Variants in UBE2U observed in about 807,000 individuals in gnomAD.
The protein encoded by UBE2U is ubiquitin conjugating enzyme E2 U, also known as ubiquitin-conjugating enzyme E2 U.
UBE2U carries 39 observed loss-of-function variants against 41.2 expected under a neutral mutation model. The ratio of observed to expected loss-of-function variants is 0.95; its 90% CI spans 0.73 to 1.24. The LOEUF is 1.24. Ranked by LOEUF, UBE2U falls within the 50% of genes most tolerant of loss-of-function variation. The probability of loss-of-function intolerance (pLI) is 0.00; values close to 1 mark genes in which losing one functional copy is unlikely to be tolerated. For synonymous variants in UBE2U, 107 were observed against 117.8 expected (o/e 0.91, Z 0.60); for missense variants, 336 against 363.1 (o/e 0.93, Z 0.61).
At chr1:64,253,379 G>T (rs1479315755) in intron 8 of UBE2U, among the ~76,000 whole-genome samples, 1 of 152,132 alleles carries the variant, frequency 6.6e-6, no homozygotes, top group Non-Finnish European at 1.5e-5. Flanking sequence ...AACCTGGCAA[G>T]ACAGGCAAAT....
intron 8 of UBE2U, among the ~76,000 whole-genome samples, chr1:64,253,345 G>A (rs2100516240): frequency 6.6e-6 from 1 of 152,216 alleles, no homozygotes; most frequent in East Asian, 1.9e-4. Flanking sequence ...CATACTTCAG[G>A]ATATCATCCA....
chr1:64,239,150 G>GAA lies in UBE2U; in HGVS notation c.596-2501_596-2500dup, dbSNP rs1415800054. 3.6e-3 allele frequency among the ~76,000 whole-genome samples: 101 copies of GAA among 28,388 alleles called. 3 individuals are homozygous for GAA. The highest frequency in any genetic ancestry group is 0.02 in the East Asian group (8 of 406). The allele number at this position is 28,388 out of a possible 152,430, so 18.6% of individuals were successfully genotyped here. On this transcript the variant is annotated intron_variant, in intron 7 of 9. Transcript: ENST00000371077. ...AGAAGAAGAAGAAGAAGAAGAAGAA[G>GAA]AAGAAGAAAGAAGAAGAAGAAGAAG... is the stretch of plus-strand genomic sequence containing the variant.
chr1:64,264,389 G>A (rs909330219), intron 9 of UBE2U, among the ~76,000 whole-genome samples: 10 of 152,150 alleles, frequency 6.6e-5, no homozygotes, highest in African/African-American at 2.2e-4. Context: ...AATCCAAGGT[G>A]TCTCAGAGAG....
Position 64,266,512 on chromosome 1 carries a change from C to T in UBE2U, c.770-512C>T, listed in dbSNP as rs547190248. Among the ~76,000 whole-genome samples, 11 of 152,266 alleles carry T rather than the reference C, an allele frequency of 7.2e-5. No homozygotes were observed. The South Asian group carries it at 2.1e-3, about 29-fold the overall frequency. ...CTGAGTTAAATAATATTATAGCTGT[C>T]GACGGGTTAGCACCGCACCTGGCAC... is the stretch of plus-strand genomic sequence containing the variant. On this transcript the variant is annotated intron_variant, in intron 9 of 9. Coordinates refer to ENST00000371077, the MANE Select transcript of UBE2U (RefSeq NM_001366232.2).
chr1:64,223,035 A>T (rs910330749), intron 6 of UBE2U, among the ~76,000 whole-genome samples: 1 of 152,176 alleles, frequency 6.6e-6, no homozygotes, highest in South Asian at 2.1e-4. Context: ...CCACTTACAG[A>T]CAGGTTTTCA....
chr1:64,227,610 T>C (rs7553080), intron 6 of UBE2U, among the ~76,000 whole-genome samples: 36,065 of 151,994 alleles, frequency 0.24, 4,607 homozygotes, highest in Middle Eastern at 0.37. Context: ...GAGACCAGCC[T>C]AACCAACATG....
At chr1:64,239,156 GA>G (rs36057587) in intron 7 of UBE2U, among the ~76,000 whole-genome samples, 2,414 of 27,014 alleles carry the variant, frequency 0.089, 109 homozygotes, top group East Asian at 0.18. Flanking sequence ...AGAAGAAGAA[GA>G]AAGAAGAAGA....
chr1:64,247,015 A>G (rs908741747), intron 8 of UBE2U, among the ~76,000 whole-genome samples: 1 of 152,054 alleles, frequency 6.6e-6, no homozygotes, highest in Non-Finnish European at 1.5e-5. Flanking sequence ...AAAAGAAACT[A>G]TTGCCACTTG....
At chr1:64,254,674 C>T (rs1645063789) in intron 8 of UBE2U, among the ~76,000 whole-genome samples, 2 of 151,830 alleles carry the variant, frequency 1.3e-5, no homozygotes, top group South Asian at 4.1e-4. Context: ...TTGAATGACT[C>T]CTGGGTAAAT....
chr1:64,260,673 A>G lies in UBE2U; in HGVS notation c.748A>G (p.Ile250Val). The G allele has an allele frequency of 3.2e-6, 5 of 1,549,726 alleles. No individual in the cohort carries two copies. The highest frequency in any genetic ancestry group is 4.4e-6 in the Non-Finnish European group (5 of 1,146,616). ...TGAAGTCACTCACTCAATGGAAGAA[A>G]TTAAGCTCTGCCCAACTCTAAGTAA... ...PHEVTHSMEEIKLCPTLNEIF... is the reference protein window; with the variant it reads ...PHEVTHSMEEVKLCPTLNEIF... The change falls in exon 9 of 10, where the codon ATT becomes GTT. Residue 250 changes from isoleucine to valine, a missense_variant. Transcript: ENST00000371077.
In UBE2U at chr1:64,239,165, AG is replaced by A. The variant is rs1304325704; in HGVS notation, c.596-2486del. Among the ~76,000 whole-genome samples, 6 of 76,736 alleles carry A rather than the reference AG, an allele frequency of 7.8e-5. No homozygotes were observed. In the East Asian group the frequency reaches 2.6e-3, roughly 33 times the overall value. The allele number at this position is 76,736 out of a possible 152,430, so 50.3% of individuals were successfully genotyped here. On this transcript the variant is annotated intron_variant, in intron 7 of 9. Coordinates refer to ENST00000371077, the MANE Select transcript of UBE2U (RefSeq NM_001366232.2). ...AGAAGAAGAAGAAGAAGAAAGAAGA[AG>A]AAGAAGAAGAAGAAGAAGAAGAAGA...
At chr1:64,245,394 A>T (rs886632254) in intron 8 of UBE2U, among the ~76,000 whole-genome samples, 1 of 152,198 alleles carries the variant, frequency 6.6e-6, no homozygotes, top group Non-Finnish European at 1.5e-5. Context: ...TTTGTGCCAT[A>T]CTCTAGCTAA....
chr1:64,232,881 A>T (rs1225921687), intron 7 of UBE2U, among the ~76,000 whole-genome samples: 1 of 152,170 alleles, frequency 6.6e-6, no homozygotes, highest in African/African-American at 2.4e-5. Flanking sequence ...TCCAGGCTGG[A>T]GTGCAGTGGC....
At chr1:64,217,029 C>A (rs1652072084) in intron 5 of UBE2U, among the ~76,000 whole-genome samples, 1 of 152,178 alleles carries the variant, frequency 6.6e-6, no homozygotes, top group African/African-American at 2.4e-5. Context: ...GCTGATCTTT[C>A]CTAAAAGCAA....
intron 8 of UBE2U, among the ~76,000 whole-genome samples, chr1:64,247,496 G>T (rs1644940691): frequency 6.6e-6 from 1 of 152,108 alleles, no homozygotes; most frequent in African/African-American, 2.4e-5. Flanking sequence ...GCCTTCCCTT[G>T]GGCAGGGAAG....
At chr1:64,208,827 C>T (rs138103543) in intron 3 of UBE2U, among the ~76,000 whole-genome samples, 11 of 152,072 alleles carry the variant, frequency 7.2e-5, no homozygotes, top group African/African-American at 2.7e-4. Flanking sequence ...ATCTTCACTG[C>T]GTGGCATATA....
chr1:64,219,424 T>G (rs983079103), intron 5 of UBE2U, among the ~76,000 whole-genome samples: 1 of 152,100 alleles, frequency 6.6e-6, no homozygotes, highest in Non-Finnish European at 1.5e-5. Flanking sequence ...CCACATTACA[T>G]AGGACATTTG....
chr1:64,218,859 C>T (rs1652213028), intron 5 of UBE2U, among the ~76,000 whole-genome samples: 1 of 152,180 alleles, frequency 6.6e-6, no homozygotes, highest in Non-Finnish European at 1.5e-5. Context: ...TTCTTCTAAA[C>T]TTTCTGACAA....
chr1:64,261,408 C>A (rs1023208339), intron 9 of UBE2U, among the ~76,000 whole-genome samples: 1 of 152,130 alleles, frequency 6.6e-6, no homozygotes, highest in Non-Finnish European at 1.5e-5. Flanking sequence ...TAGACAATTT[C>A]TTTGTGAACT....
Sources: gnomAD v4.1 joint callset for allele counts (sites outside exome capture counted in the v4.1 genomes callset) on GRCh38, gnomAD v4.1.1 for gene constraint, MANE v1.5 for transcripts, NCBI Gene and HGNC (gene_info 2026-07-23, HGNC 2026-07-21) for gene names.